Variants in SPOCK3 observed in about 807,000 individuals in gnomAD.
SPOCK3 encodes testican-3.
In SPOCK3, 30 loss-of-function variants were observed where a neutral mutation model predicts 56.6. That is an observed-to-expected ratio of 0.53 (90% CI 0.40 to 0.72). The LOEUF is 0.72. Among genes scored for constraint, SPOCK3 ranks in the 30% least tolerant of loss-of-function variants. SPOCK3 has a pLI of 0.00. For missense variants in SPOCK3, 527 were observed against 530.0 expected, an observed-to-expected ratio of 0.99 and a Z score of 0.06; for synonymous variants, 196 against 183.3, an observed-to-expected ratio of 1.07 and a Z score of -0.56.
chr4:166,853,976 T>C (rs1336987230), intron 6 of SPOCK3, among the ~76,000 whole-genome samples: 1 of 152,060 alleles, frequency 6.6e-6, no homozygotes, highest in Non-Finnish European at 1.5e-5. Context: ...TTCTACAAAA[T>C]GTAAATCAGC....
chr4:166,942,596 T>C (rs1319769187), intron 4 of SPOCK3, among the ~76,000 whole-genome samples: 1 of 151,960 alleles, frequency 6.6e-6, no homozygotes, highest in African/African-American at 2.4e-5. Context: ...GAACACTATA[T>C]ATATTTCAAT....
In SPOCK3 at chr4:167,205,019, GAGA is replaced by G. The variant is rs1271909234; in HGVS notation, c.189+28963_189+28965del. On this transcript the variant is annotated intron_variant, in intron 2 of 10. Coordinates refer to ENST00000357545, the MANE Select transcript of SPOCK3 (RefSeq NM_001040159.2). ...TCACCAGCTATTTTTTTTTTTGGTAGAGAAGGTGTCTTTCTATGTTGCCCAAGC... is the reference window on the plus strand; with the variant it reads ...TCACCAGCTATTTTTTTTTTTGGTAGAGGTGTCTTTCTATGTTGCCCAAGC... 9.8e-5 allele frequency among the ~76,000 whole-genome samples: 14 copies of G among 143,418 alleles called. No homozygotes were observed. The South Asian group carries it at 1.3e-3, about 13-fold the overall frequency. The allele number at this position is 143,418 out of a possible 152,430, so 94.1% of individuals were successfully genotyped here.
At chr4:167,049,993 G>A (rs1754051146) in intron 3 of SPOCK3, among the ~76,000 whole-genome samples, 1 of 152,052 alleles carries the variant, frequency 6.6e-6, no homozygotes, top group Non-Finnish European at 1.5e-5. Context: ...CCAAACCTCC[G>A]CTACACCACT....
chr4:166,997,370 C>A (rs1320886519), intron 4 of SPOCK3, among the ~76,000 whole-genome samples: 1 of 152,086 alleles, frequency 6.6e-6, no homozygotes, highest in Admixed American at 6.6e-5. Context: ...TTTGATAAAT[C>A]ATGCATTCAT....
At chr4:167,158,892 A>G (rs1442441047) in intron 2 of SPOCK3, among the ~76,000 whole-genome samples, 1 of 151,974 alleles carries the variant, frequency 6.6e-6, no homozygotes, top group Non-Finnish European at 1.5e-5. Flanking sequence ...CCATGGAAAG[A>G]TCTCAGTAAC....
chr4:167,074,030 C>T (rs1756944203), intron 2 of SPOCK3, among the ~76,000 whole-genome samples: 1 of 150,430 alleles, frequency 6.6e-6, no homozygotes, highest in Admixed American at 6.7e-5. Context: ...TAAAATAATA[C>T]TGCCAAATAA....
intron 9 of SPOCK3, among the ~76,000 whole-genome samples, chr4:166,738,749 T>C (rs1734515543): frequency 6.6e-6 from 1 of 151,372 alleles, no homozygotes; most frequent in Non-Finnish European, 1.5e-5. Context: ...GATAGTTTAC[T>C]GAGAATGATG....
At chr4:166,931,313 A>G (rs967743050) in intron 4 of SPOCK3, among the ~76,000 whole-genome samples, 2 of 126,638 alleles carry the variant, frequency 1.6e-5, no homozygotes, top group Non-Finnish European at 3.2e-5. Context: ...ATACAAACAC[A>G]CTACTCTAGG....
chr4:166,927,076 T>C (rs943162427), intron 4 of SPOCK3, among the ~76,000 whole-genome samples: 1 of 152,170 alleles, frequency 6.6e-6, no homozygotes, highest in African/African-American at 2.4e-5. Context: ...AAACCTAATA[T>C]GAAGTTAAGG....
chr4:166,887,835 A>G (rs2127003797), intron 6 of SPOCK3, among the ~76,000 whole-genome samples: 1 of 146,686 alleles, frequency 6.8e-6, no homozygotes, highest in South Asian at 2.2e-4. Flanking sequence ...GCAGCCAAAT[A>G]CCACCTGTGC....
At chr4:166,740,497 T>C (rs1001214466) in intron 9 of SPOCK3, among the ~76,000 whole-genome samples, 4 of 48,256 alleles carry the variant, frequency 8.3e-5, no homozygotes, top group African/African-American at 1.7e-4. Flanking sequence ...TAAGAACTTA[T>C]TATTATTATT....
intron 2 of SPOCK3, among the ~76,000 whole-genome samples, chr4:167,165,584 C>T (rs1765687691): frequency 6.6e-6 from 1 of 151,988 alleles, no homozygotes; most frequent in Non-Finnish European, 1.5e-5. Flanking sequence ...CAAGGTAAAA[C>T]CTAACCTCTT....
chr4:167,125,231 T>TTTA (rs1762176176), intron 2 of SPOCK3, among the ~76,000 whole-genome samples: 2 of 125,592 alleles, frequency 1.6e-5, no homozygotes, highest in African/African-American at 6.2e-5. Flanking sequence ...TTATTTATTT[T>TTTA]TATTTATTTT....
chr4:166,943,101 C>T (rs1741300577), intron 4 of SPOCK3, among the ~76,000 whole-genome samples: 2 of 152,152 alleles, frequency 1.3e-5, no homozygotes, highest in Non-Finnish European at 2.9e-5. Flanking sequence ...TCTTCAAGGG[C>T]ATTACATTAA....
chr4:166,769,064 T>G (rs545663068), intron 7 of SPOCK3, among the ~76,000 whole-genome samples: 1 of 152,282 alleles, frequency 6.6e-6, no homozygotes, highest in African/African-American at 2.4e-5. Flanking sequence ...TTCTCTACAG[T>G]GGTTATTCTA....
chr4:167,110,156 C>T (rs965887686), intron 2 of SPOCK3, among the ~76,000 whole-genome samples: 5 of 152,018 alleles, frequency 3.3e-5, no homozygotes, highest in African/African-American at 1.2e-4. Flanking sequence ...CGTTTGTGAT[C>T]TCTCATCTCA....
chr4:166,849,931 C>G (rs908856663), intron 6 of SPOCK3, among the ~76,000 whole-genome samples: 1 of 152,166 alleles, frequency 6.6e-6, no homozygotes, highest in African/African-American at 2.4e-5. Context: ...TTTTAAAGGA[C>G]TAATAATATT....
At chr4:167,051,879 G>T (rs1320106690) in intron 3 of SPOCK3, among the ~76,000 whole-genome samples, 2 of 152,108 alleles carry the variant, frequency 1.3e-5, no homozygotes, top group African/African-American at 4.8e-5. Flanking sequence ...GAAGAATATT[G>T]TTTCTTAAAT....
At chr4:167,148,743 A>C (rs1764178209) in intron 2 of SPOCK3, among the ~76,000 whole-genome samples, 3 of 152,166 alleles carry the variant, frequency 2.0e-5, no homozygotes, top group African/African-American at 7.2e-5. Context: ...TTATTTAACA[A>C]ATTGTTTTTT....
Sources: gnomAD v4.1 joint callset for allele counts (sites outside exome capture counted in the v4.1 genomes callset) on GRCh38, gnomAD v4.1.1 for gene constraint, MANE v1.5 for transcripts, NCBI Gene and HGNC (gene_info 2026-07-23, HGNC 2026-07-21) for gene names.